The following DISC1 variants were observed in gnomAD, a reference collection of about 807,000 sequenced individuals.
DISC1 encodes the protein disrupted in schizophrenia 1 protein.
A neutral mutation model predicts 84.5 loss-of-function variants in DISC1; 57 were observed. That is an observed-to-expected ratio of 0.67 (90% CI 0.55 to 0.84). The LOEUF (loss-of-function observed/expected upper bound fraction) is 0.84, where lower values mean the gene tolerates loss of function less well. DISC1 is among the 40% of genes least tolerant of loss of function. The pLI, the probability that DISC1 is intolerant of heterozygous loss-of-function variation, is 0.00. For missense variants in DISC1, 1,000 were observed against 1,057.8 expected (o/e 0.95, Z 0.76); for synonymous variants, 411 against 415.2 (o/e 0.99, Z 0.12).
At chr1:231,788,250 A>C (rs1012703032) in intron 6 of DISC1, among the ~76,000 whole-genome samples, 11 of 152,124 alleles carry the variant, frequency 7.2e-5, no homozygotes, top group Admixed American at 6.5e-4. Flanking sequence ...ACACCACTGC[A>C]CTCCAGCCTG....
chr1:231,663,052 T>C (rs1290627797), intron 1 of DISC1, among the ~76,000 whole-genome samples: 1 of 151,244 alleles, frequency 6.6e-6, no homozygotes, highest in Non-Finnish European at 1.5e-5. Flanking sequence ...ATTGGCAGAA[T>C]GAATTAAAGA....
intron 12 of DISC1, among the ~76,000 whole-genome samples, chr1:232,026,987 G>T (rs2103045104): frequency 6.6e-6 from 1 of 152,112 alleles, no homozygotes; most frequent in Admixed American, 6.5e-5. Context: ...CTGACCTCAA[G>T]TGATCCGCCC....
intron 10 of DISC1, among the ~76,000 whole-genome samples, chr1:232,005,970 T>C (rs934940244): frequency 6.6e-6 from 1 of 152,170 alleles, no homozygotes; most frequent in Non-Finnish European, 1.5e-5. Flanking sequence ...TTTGTCAACA[T>C]TGAATTTACA....
At chr1:231,746,865 G>A (rs535452970) in intron 3 of DISC1, among the ~76,000 whole-genome samples, 1 of 152,068 alleles carries the variant, frequency 6.6e-6, no homozygotes, top group Non-Finnish European at 1.5e-5. Context: ...ATCCCCTGTT[G>A]GATGGGTAGT....
chr1:231,884,008 C>T (rs951947027), intron 9 of DISC1, among the ~76,000 whole-genome samples: 10 of 151,946 alleles, frequency 6.6e-5, no homozygotes, highest in Non-Finnish European at 1.5e-5. Context: ...GTCCCTTGCC[C>T]AGGGTGGGTG....
intron 1 of DISC1, among the ~76,000 whole-genome samples, chr1:231,629,967 C>T (rs2058573842): frequency 6.6e-6 from 1 of 152,174 alleles, no homozygotes; most frequent in Non-Finnish European, 1.5e-5. Flanking sequence ...GAGTCTCGTT[C>T]TGTCGCCAGG....
intron 9 of DISC1, among the ~76,000 whole-genome samples, chr1:231,952,116 AAAG>A (rs1658529760): frequency 6.6e-6 from 1 of 150,784 alleles, no homozygotes; most frequent in Non-Finnish European, 1.5e-5. Context: ...AAAAAAAAGA[AAAG>A]AAAAGAAAGA....
In DISC1 at chr1:231,894,615, T is replaced by C. The variant is rs141115634; in HGVS notation, c.1982-64213T>C. Among the ~76,000 whole-genome samples, 770 of 152,274 alleles carry C rather than the reference T, an allele frequency of 5.1e-3. 11 individuals are homozygous for C. The highest frequency in any genetic ancestry group is 0.018 in the African/African-American group (732 of 41,568). On this transcript the variant is annotated intron_variant, in intron 9 of 12. Coordinates refer to ENST00000439617, the MANE Select transcript of DISC1 (RefSeq NM_018662.3). ...AAGTTTTGTTCTGTAGCTTTACTTT[T>C]TAAAAACATTTTTTAAAGTTTCCAT...
At chr1:231,671,427 G>A (rs2062609013) in intron 1 of DISC1, among the ~76,000 whole-genome samples, 2 of 152,026 alleles carry the variant, frequency 1.3e-5, no homozygotes. Context: ...AATGAACTGA[G>A]CAGAACACCC....
intron 7 of DISC1, among the ~76,000 whole-genome samples, chr1:231,797,215 A>T (rs1219288041): frequency 6.6e-6 from 1 of 152,184 alleles, no homozygotes; most frequent in Non-Finnish European, 1.5e-5. Flanking sequence ...GGGTGTGTGT[A>T]TGACACTGTA....
chr1:231,687,096 C>T (rs1188182920), intron 1 of DISC1, among the ~76,000 whole-genome samples: 1 of 152,178 alleles, frequency 6.6e-6, no homozygotes, highest in Non-Finnish European at 1.5e-5. Flanking sequence ...CTAGGGAGTT[C>T]CAAACTTTCT....
intron 6 of DISC1, among the ~76,000 whole-genome samples, chr1:231,778,912 C>T (rs953515986): frequency 6.6e-6 from 1 of 152,132 alleles, no homozygotes; most frequent in African/African-American, 2.4e-5. Flanking sequence ...CCCAGTGGGC[C>T]GGGAGGTCGG....
chr1:231,890,753 A>G (rs908964489), intron 9 of DISC1, among the ~76,000 whole-genome samples: 1 of 152,244 alleles, frequency 6.6e-6, no homozygotes, highest in African/African-American at 2.4e-5. Context: ...TTTAATTGCA[A>G]TAAAAAGGAT....
chr1:231,684,052 C>G (rs1034278870), intron 1 of DISC1, among the ~76,000 whole-genome samples: 1 of 152,104 alleles, frequency 6.6e-6, no homozygotes, highest in Middle Eastern at 3.2e-3. Context: ...ACAGCCTGGT[C>G]TGCATCTGCT....
At position 231,727,370 on chromosome 1, in the gene DISC1, T is replaced by C. The variant is rs544781265; in HGVS notation, c.1118-22556T>C. Among the ~76,000 whole-genome samples the C allele has an allele frequency of 6.6e-5, 10 of 152,290 alleles. No individual in the cohort carries two copies. In the South Asian group the frequency reaches 2.1e-3, roughly 32 times the overall value. ...TGACTTCCAGGTGGTTCAGAACCAC[T>C]GATGCCTGGGGCCCTAAAGGGAGAC... On this transcript the variant is annotated intron_variant, in intron 3 of 12. Coordinates refer to ENST00000439617, the MANE Select transcript of DISC1 (RefSeq NM_018662.3).
chr1:231,946,989 A>G (rs554473745), intron 9 of DISC1, among the ~76,000 whole-genome samples: 4 of 152,392 alleles, frequency 2.6e-5, no homozygotes, highest in Non-Finnish European at 4.4e-5. Flanking sequence ...TTCCATGCTC[A>G]TGGATAGGAA....
chr1:231,832,759 C>T (rs1428301138), intron 9 of DISC1, among the ~76,000 whole-genome samples: 1 of 145,930 alleles, frequency 6.9e-6, no homozygotes, highest in Non-Finnish European at 1.5e-5. Flanking sequence ...GGGTTTGGCA[C>T]CACAGGGTGG....
intron 12 of DISC1, among the ~76,000 whole-genome samples, chr1:232,029,687 A>G (rs1409904218): frequency 6.6e-6 from 1 of 152,262 alleles, no homozygotes; most frequent in Non-Finnish European, 1.5e-5. Flanking sequence ...ATGTAAGCCC[A>G]CATTGGACGT....
At chr1:231,983,683 C>T (rs1367056961) in intron 10 of DISC1, among the ~76,000 whole-genome samples, 1 of 150,904 alleles carries the variant, frequency 6.6e-6, no homozygotes, top group Non-Finnish European at 1.5e-5. Flanking sequence ...TTTCCTCCTG[C>T]AAGGCCTTTC....
Sources: allele counts gnomAD v4.1 joint callset (sites outside exome capture counted in the v4.1 genomes callset), GRCh38; gene constraint gnomAD v4.1.1; transcripts MANE v1.5; gene names NCBI Gene and HGNC (gene_info 2026-07-23, HGNC 2026-07-21).